GRIP1: variants seen among roughly 807,000 people sequenced by gnomAD.
GRIP1 encodes glutamate receptor interacting protein 1, also known as glutamate receptor-interacting protein 1.
In GRIP1, 45 loss-of-function variants were observed where a neutral mutation model predicts 129.9. The observed-to-expected ratio is 0.35, with a 90% CI of 0.27 to 0.44. The LOEUF (loss-of-function observed/expected upper bound fraction) is 0.44, where lower values mean the gene tolerates loss of function less well. Ranked by LOEUF, GRIP1 falls within the 20% of genes least tolerant of loss-of-function variation. GRIP1 has a pLI of 1.00. For synonymous variants in GRIP1, 530 were observed against 520.8 expected, an observed-to-expected ratio of 1.02 and a Z score of -0.24; for missense variants, 1,196 against 1,396.8, an observed-to-expected ratio of 0.86 and a Z score of 2.29.
Position 67,060,476 on chromosome 12 carries a change from G to A in GRIP1, c.58+8574C>T, listed in dbSNP as rs75470701. Among the ~76,000 whole-genome samples, 636 of 152,234 alleles carry A rather than the reference G, an allele frequency of 4.2e-3. 1 individual carries two copies. The highest frequency in any genetic ancestry group is 0.014 in the African/African-American group (599 of 41,516). On this transcript the variant is annotated intron_variant, in intron 1 of 1. Coordinates refer to the GRIP1 transcript ENST00000643019. ...GGTTGTACGAGAGCTATAAGCATCAGCAGTTTACATGTAGTTATATGTTAG... is the reference window on the plus strand; with the variant it reads ...GGTTGTACGAGAGCTATAAGCATCAACAGTTTACATGTAGTTATATGTTAG...
chr12:66,669,391 A>C (rs1344427646), intron 1 of GRIP1, among the ~76,000 whole-genome samples: 1 of 151,646 alleles, frequency 6.6e-6, no homozygotes, highest in African/African-American at 2.4e-5. Flanking sequence ...CTGTCTCAAT[A>C]AATAAATAAA....
At chr12:66,368,363 C>T (rs949801727) in intron 23 of GRIP1, among the ~76,000 whole-genome samples, 5 of 152,096 alleles carry the variant, frequency 3.3e-5, no homozygotes, top group Admixed American at 6.5e-5. Flanking sequence ...TATGAACAGG[C>T]GCACCACTTG....
At position 66,413,934 on chromosome 12, in the gene GRIP1, G is replaced by T. The variant is rs1040288472; in HGVS notation, c.1838+6786C>A. On this transcript the variant is annotated intron_variant, in intron 15 of 24. Transcript: ENST00000359742. The stretch of plus-strand genomic sequence containing the variant: ...AAAAACTCTCAATAATCTCGGTATT[G>T]AAGGAACATAACTCAAAATAGTGAA... 3.3e-5 allele frequency among the ~76,000 whole-genome samples: 5 copies of T among 152,066 alleles called. No homozygotes were observed. In the East Asian group the frequency reaches 5.8e-4, roughly 18 times the overall value.
At chr12:66,745,869 G>A (rs1407272047) in intron 1 of GRIP1, among the ~76,000 whole-genome samples, 1 of 152,128 alleles carries the variant, frequency 6.6e-6, no homozygotes, top group East Asian at 1.9e-4. Context: ...GGTCAGAAGC[G>A]GCAAAGCCAG....
rs575177413 is a variant in GRIP1, at chr12:66,809,542, T to C, written c.59-212615A>G. ...AAAACACTCTGTTCTCTGGCACTAA[T>C]GGTATTCTCATTAGACCCACTCCTA... is the stretch of plus-strand genomic sequence containing the variant. On this transcript the variant is annotated intron_variant, in intron 1 of 1. Coordinates refer to the GRIP1 transcript ENST00000643019. Among the ~76,000 whole-genome samples the C allele has an allele frequency of 8.2e-4, 125 of 152,310 alleles. 2 individuals are homozygous for C. Among genetic ancestry groups the C allele is most frequent in the African/African-American group, 2.8e-3 (117 of 41,566 alleles).
intron 1 of GRIP1, among the ~76,000 whole-genome samples, chr12:67,067,346 A>AT (rs551862895): frequency 1.3e-3 from 189 of 150,236 alleles, no homozygotes; most frequent in Middle Eastern, 3.5e-3. Context: ...AAGCATGGTG[A>AT]TTTTTTTTTT....
At chr12:66,943,205 C>G (rs2041614794) in intron 1 of GRIP1, among the ~76,000 whole-genome samples, 1 of 152,170 alleles carries the variant, frequency 6.6e-6, no homozygotes, top group Non-Finnish European at 1.5e-5. Flanking sequence ...AACTCCTCAG[C>G]TGAAGGGGTT....
chr12:66,946,542 C>T (rs2041670310), intron 1 of GRIP1, among the ~76,000 whole-genome samples: 1 of 151,682 alleles, frequency 6.6e-6, no homozygotes, highest in South Asian at 2.1e-4. Context: ...TCTTCATATA[C>T]TTTAATATAG....
intron 1 of GRIP1, among the ~76,000 whole-genome samples, chr12:66,788,406 C>G (rs1245722374): frequency 1.3e-5 from 2 of 151,594 alleles, no homozygotes; most frequent in Non-Finnish European, 2.9e-5. Flanking sequence ...TTCGGATGGC[C>G]CAAATGATTG....
chr12:66,622,873 T>C (rs1424934845), intron 1 of GRIP1, among the ~76,000 whole-genome samples: 2 of 152,176 alleles, frequency 1.3e-5, no homozygotes, highest in Admixed American at 1.3e-4. Context: ...CTACTATTCA[T>C]GCAGTGAAAG....
chr12:66,835,649 T>A (rs1437427629), intron 1 of GRIP1, among the ~76,000 whole-genome samples: 1 of 151,986 alleles, frequency 6.6e-6, no homozygotes, highest in South Asian at 2.1e-4. Flanking sequence ...AAAAAGCCAA[T>A]CCCAAAAGGC....
Position 66,881,896 on chromosome 12 carries a change from T to G in GRIP1, c.58+187154A>C, listed in dbSNP as rs139192525. Among the ~76,000 whole-genome samples the G allele has an allele frequency of 3.5e-4, 53 of 152,336 alleles. 1 individual carries two copies. The East Asian group carries it at 0.01, about 29-fold the overall frequency. On this transcript the variant is annotated intron_variant, in intron 1 of 1. Transcript: ENST00000643019. Reference sequence around the variant, plus strand: ...TCACAATAACTGAGATAATTAATATTAAGAGGTTTAATAGAATGCCTGGTA... The same window carrying G: ...TCACAATAACTGAGATAATTAATATGAAGAGGTTTAATAGAATGCCTGGTA...
intron 1 of GRIP1, among the ~76,000 whole-genome samples, chr12:66,892,109 G>A (rs999736291): frequency 2.6e-5 from 4 of 152,170 alleles, no homozygotes; most frequent in African/African-American, 7.2e-5. Flanking sequence ...GGCAGAAGTG[G>A]TGTCAGGGTG....
chr12:66,487,213 T>C (rs2059979644), intron 7 of GRIP1, among the ~76,000 whole-genome samples: 1 of 152,096 alleles, frequency 6.6e-6, no homozygotes, highest in Admixed American at 6.6e-5. Flanking sequence ...AGTACTAATG[T>C]GAAGATTTTT....
At chr12:67,069,123 G>GCTCGCTGTCGGGCTCGCTCTTT (rs907171395) in exon 1 of GRIP1, 1 of 984,854 alleles carries the variant, frequency 1.0e-6, no homozygotes, top group Non-Finnish European at 1.2e-6. Flanking sequence ...CGCTCCCTGC[G>GCTCGCTGTCGGGCTCGCTCTTT]CTCGCTGTCG....
At chr12:66,646,172 C>T (rs1002618921) in intron 1 of GRIP1, among the ~76,000 whole-genome samples, 3 of 152,150 alleles carry the variant, frequency 2.0e-5, no homozygotes, top group African/African-American at 7.2e-5. Flanking sequence ...TCTTGGAATC[C>T]TTGCTAATCT....
intron 1 of GRIP1, among the ~76,000 whole-genome samples, chr12:67,007,478 T>TC (rs1351819631): frequency 3.3e-5 from 5 of 150,316 alleles, no homozygotes; most frequent in Non-Finnish European, 7.4e-5. Context: ...ACTCCCCTCA[T>TC]CCCCCCCAAA....
intron 1 of GRIP1, among the ~76,000 whole-genome samples, chr12:66,663,167 T>A (rs2033612809): frequency 6.6e-6 from 1 of 152,222 alleles, no homozygotes; most frequent in Non-Finnish European, 1.5e-5. Flanking sequence ...CTTTATGTCA[T>A]TGTTTTATTA....
chr12:66,364,813 C>T (rs1236555118), intron 23 of GRIP1, among the ~76,000 whole-genome samples: 4 of 152,022 alleles, frequency 2.6e-5, no homozygotes, highest in Non-Finnish European at 4.4e-5. Context: ...CAACAGCTTC[C>T]GTCTTTTATC....
Sources: gnomAD v4.1 joint callset for allele counts (sites outside exome capture counted in the v4.1 genomes callset) on GRCh38, gnomAD v4.1.1 for gene constraint, MANE v1.5 for transcripts, NCBI Gene and HGNC (gene_info 2026-07-23, HGNC 2026-07-21) for gene names.